The following IPO4 variants were observed in gnomAD, a reference collection of about 807,000 sequenced individuals.
IPO4 encodes importin 4.
Under a neutral mutation model 133.5 loss-of-function variants are expected in IPO4, and 91 were observed. That is an observed-to-expected ratio of 0.68 (90% CI 0.58 to 0.81). The LOEUF is 0.81. Among genes scored for constraint, IPO4 ranks in the 30% least tolerant of loss-of-function variants. The pLI, the probability that IPO4 is intolerant of heterozygous loss-of-function variation, is 0.00. For missense variants in IPO4, 1,279 were observed against 1,386.2 expected, an observed-to-expected ratio of 0.92 and a Z score of 1.23; for synonymous variants, 607 against 581.6, an observed-to-expected ratio of 1.04 and a Z score of -0.63.
rs751193314 is a variant in IPO4 at position 24,185,213 on chromosome 14, A to G, written c.1378T>C (p.Tyr460His). The G allele has an allele frequency of 1.9e-6, 3 of 1,614,130 alleles. No individual in the cohort carries two copies. The highest frequency in any genetic ancestry group is 4.5e-5 in the East Asian group (2 of 44,884). The change falls in exon 14 of 30, where the codon TAT becomes CAT. Residue 460 changes from tyrosine (Y) to histidine (H), a missense_variant. Coordinates refer to ENST00000354464, the MANE Select transcript of IPO4 (RefSeq NM_024658.4). ...GHTHHLAKAC[Y>H]ALENFVENLG... ...TTCTCCACAAAATTCTCCAGGGCAT[A>G]GCAGGCCTTGGCTAGGTGGTGTGTG...
Position 24,186,291 on chromosome 14 carries a change from A to G in IPO4, c.1001T>C (p.Val334Ala). ...LMGETPKHFA[V>A]QVVDMLALHL... ...CTGTCCTGCCCCACATCTCACTTGTACAGCGAAATGCTTGGGAGTCTCCCC... is the reference window on the plus strand; with the variant it reads ...CTGTCCTGCCCCACATCTCACTTGTGCAGCGAAATGCTTGGGAGTCTCCCC... Residue 334 changes from valine (V) to alanine (A), a missense_variant, in exon 10 of 30, where the codon GTA becomes GCA. Val to Ala is a moderately conservative substitution (Grantham distance 64). Coordinates refer to ENST00000354464, the MANE Select transcript of IPO4 (RefSeq NM_024658.4). 5 of 1,605,948 alleles carry G rather than the reference A, an allele frequency of 3.1e-6. No homozygotes were observed. The highest frequency in any genetic ancestry group is 4.3e-6 in the Non-Finnish European group (5 of 1,174,918).
Position 24,186,343 on chromosome 14 carries a change from C to A in IPO4, c.949G>T (p.Glu317Ter). The change falls in exon 10 of 30, where the codon GAG (glutamate) becomes TAG (stop). Residue 317 changes from glutamate to a stop codon, truncating the protein, a stop_gained. Coordinates refer to ENST00000354464, the MANE Select transcript of IPO4 (RefSeq NM_024658.4). LOFTEE classifies it high-confidence loss of function. ...QLDPEDQDSE[E>*]EELEIELMGE... The stretch of plus-strand genomic sequence containing the variant: ...ATCAGCTCAATCTCCAACTCTTCCT[C>A]TTCTGAATCCTGGTCCTCGGGATCC... The A allele has an allele frequency of 6.2e-7, 1 of 1,613,170 alleles. No homozygotes were observed. Among genetic ancestry groups the A allele is most frequent in the Non-Finnish European group, 8.5e-7 (1 of 1,179,484 alleles).
rs1319885345 is a variant in IPO4 at position 24,187,568 on chromosome 14, CA to C, written c.419del (p.Leu140CysfsTer3). 1 of 1,614,000 alleles carries C rather than the reference CA, an allele frequency of 6.2e-7. No homozygotes were observed. Among genetic ancestry groups the C allele is most frequent in the African/African-American group, 1.3e-5 (1 of 74,908 alleles). On this transcript the variant is annotated frameshift_variant, in exon 6 of 30. Coordinates refer to ENST00000354464, the MANE Select transcript of IPO4 (RefSeq NM_024658.4). LOFTEE classifies it high-confidence loss of function. ...GGGAGGTCACCACCACACTTAGCAG[CA>C]AAAGCCCCATCTGTCCAAGAATAGA... is the stretch of plus-strand genomic sequence containing the variant. ...PHSPEREMGL[L>X]LLSVVVTSRP...
In IPO4 at chr14:24,181,550, C is replaced by T. The variant is rs369101802; in HGVS notation, c.3008G>A (p.Arg1003His). ...GCTCTGGTACAGGAAGCTGAAGAGG[C>T]GCCCAATGGTGACCCACTCCTCCAA... The part of the protein sequence containing the change: ...EDLEEWVTIG[R>H]LFSFLYQSSP... Residue 1003 changes from arginine to histidine, a missense_variant, in exon 28 of 30, where the codon CGC becomes CAC. By Grantham distance (29) the Arg-to-His change is conservative (BLOSUM62 0). Transcript: ENST00000354464. The T allele has an allele frequency of 1.0e-5, 16 of 1,593,046 alleles. No homozygotes were observed. The highest frequency in any genetic ancestry group is 2.7e-5 in the African/African-American group (2 of 74,430).
intron 12 of IPO4, 97 bp downstream of exon 12, chr14:24,185,764 A>T: frequency 1.9e-6 from 2 of 1,045,918 alleles, no homozygotes; most frequent in Middle Eastern, 4.1e-4. Context: ...ATGGGGGGAA[A>T]CGCTGTTGAT....
At position 24,188,288 on chromosome 14, in the gene IPO4, C is replaced by T. The variant is rs1417073890; in HGVS notation, c.237-31G>A. ...ACACAGGTGGCAGGTGTTTGGTACC[C>T]AGCCTGCCCAAGAAAAGTCTCCGCC... On this transcript the variant is annotated intron_variant, in intron 3 of 29. Transcript: ENST00000354464. 2 of 1,613,036 alleles carry T rather than the reference C, an allele frequency of 1.2e-6. No homozygotes were observed. Among genetic ancestry groups the T allele is most frequent in the Non-Finnish European group, 8.5e-7 (1 of 1,179,526 alleles).
chr14:24,186,623 C>T, intron 9 of IPO4, 85 bp downstream of exon 9: 4 of 1,407,646 alleles, frequency 2.8e-6, no homozygotes, highest in South Asian at 1.2e-5. Context: ...ACTTTAGATA[C>T]CCTGAGATGG....
At position 24,185,558 on chromosome 14, in the gene IPO4, G is replaced by A. The variant is rs143723888; in HGVS notation, c.1179C>T (p.Pro393=). 4.7e-4 allele frequency: 766 copies of A among 1,613,958 alleles called. 9 individuals are homozygous for A. In the East Asian group the frequency reaches 0.016, roughly 33 times the overall value. The change falls in exon 13 of 30, where the codon CCC becomes CCT. Residue 393 remains proline (P), a synonymous_variant. Transcript: ENST00000354464. ...CCTTGCACACAATCTGCAGCAGTGG[G>A]GGCAGCAGTCTGGATGGGGCAAACA... ...AGDHIRQRLL[P]PLLQIVCKGL... is the part of the protein sequence containing the mutation.
rs1398067357 is a variant in IPO4, at chr14:24,182,986, A to G, written c.2411T>C (p.Leu804Pro). The G allele has an allele frequency of 6.2e-6, 10 of 1,613,038 alleles. No homozygotes were observed. The highest frequency in any genetic ancestry group is 8.5e-6 in the Non-Finnish European group (10 of 1,179,364). The change falls in exon 23 of 30, where the codon CTG becomes CCG. Residue 804 changes from leucine (L) to proline (P), a missense_variant. By Grantham distance (98) the Leu-to-Pro change is moderately conservative (BLOSUM62 -3). Around this residue, in one of 3 missense-constraint regions of IPO4, gnomAD observed 575 missense variants for 653.4 expected, o/e 0.88. Coordinates refer to ENST00000354464, the MANE Select transcript of IPO4 (RefSeq NM_024658.4). Reference protein sequence around the residue: ...AELCGVLKAVLQRKTACQDTD... With the variant: ...AELCGVLKAVPQRKTACQDTD... The stretch of plus-strand genomic sequence containing the variant: ...ACCTGCCCTGCTCACCTTCCTCTGC[A>G]GCACAGCCTTGAGCACGCCACAGAG...
intron 9 of IPO4, 89 bp downstream of exon 9, chr14:24,186,619 G>C (rs1189075120): frequency 2.2e-6 from 3 of 1,386,584 alleles, no homozygotes; most frequent in Non-Finnish European, 3.0e-6. Context: ...CAGTACTTTA[G>C]ATACCCTGAG....
intron 4 of IPO4, 46 bp downstream of exon 4, chr14:24,188,170 C>T: frequency 6.3e-7 from 1 of 1,594,844 alleles, no homozygotes; most frequent in South Asian, 1.1e-5. Flanking sequence ...AGGCAGAAAC[C>T]TAGACAAAGT....
Position 24,187,725 on chromosome 14 carries a change from G to T in IPO4, c.350C>A (p.Pro117Gln), listed in dbSNP as rs374715815. The T allele has an allele frequency of 6.2e-7, 1 of 1,614,220 alleles. No homozygotes were observed. Among genetic ancestry groups the T allele is most frequent in the African/African-American group, 1.3e-5 (1 of 75,050 alleles). The change falls in exon 5 of 30, where the codon CCA (proline) becomes CAA (glutamine). Residue 117 changes from proline (P) to glutamine (Q), a missense_variant. Pro to Gln is a moderately conservative substitution (Grantham distance 76). Around this residue, in one of 3 missense-constraint regions of IPO4, gnomAD observed 695 missense variants for 704.1 expected, o/e 0.99. Transcript: ENST00000354464. ...GTGCTGAAGCAGCTGCAAAAGCTGT[G>T]GCCAGGCCTCCAAGCCTTCCTTTCG... ...IFRKEGLEAWPQLLQLLQHST... is the reference protein window; with the variant it reads ...IFRKEGLEAWQQLLQLLQHST...
In IPO4 at chr14:24,186,730, A is replaced by G; in HGVS notation, c.818T>C (p.Phe273Ser). The G allele has an allele frequency of 6.2e-7, 1 of 1,614,170 alleles. No homozygotes were observed. Among genetic ancestry groups the G allele is most frequent in the Non-Finnish European group, 8.5e-7 (1 of 1,179,996 alleles). The change falls in exon 9 of 30, where the codon TTC becomes TCC. Residue 273 changes from phenylalanine (F) to serine (S), a missense_variant. By Grantham distance (155) the Phe-to-Ser change is radical. Coordinates refer to ENST00000354464, the MANE Select transcript of IPO4 (RefSeq NM_024658.4). The part of the protein sequence containing the change: ...IRIRILCCLT[F>S]LVKVKSKALL... The stretch of plus-strand genomic sequence containing the variant: ...TACCTTGCTCTTGACTTTGACCAAG[A>G]AAGTGAGGCAGCAGAGAATACGTAT...
chr14:24,185,043 T>C (rs1350466040), intron 14 of IPO4, 63 bp from the exon 15 acceptor site: 1 of 1,591,200 alleles, frequency 6.3e-7, no homozygotes, highest in Non-Finnish European at 8.6e-7. Context: ...CCCACCTCCC[T>C]CCAGGCGGAA....
intron 23 of IPO4, 51 bp from the exon 24 acceptor site, chr14:24,182,893 A>G (rs925777139): frequency 1.3e-6 from 2 of 1,550,296 alleles, no homozygotes; most frequent in African/African-American, 4.4e-5. Flanking sequence ...TTCTCTTTTC[A>G]TGGGGGTAGG....
Position 24,182,141 on chromosome 14 carries a change from T to G in IPO4, c.2621A>C (p.Glu874Ala). 1 of 1,614,082 alleles carries G rather than the reference T, an allele frequency of 6.2e-7. No homozygotes were observed. The highest frequency in any genetic ancestry group is 8.5e-7 in the Non-Finnish European group (1 of 1,180,032). The change falls in exon 26 of 30, where the codon GAG becomes GCG. Residue 874 changes from glutamate to alanine, a missense_variant. Physicochemically the swap from Glu to Ala is moderately radical, Grantham distance 107. This residue lies in a region of IPO4 where 575 missense variants were observed against 653.4 expected (regional missense o/e 0.88). Transcript: ENST00000354464. ...CAAGGTCCCCACTGCAAAGGACTTC[T>G]CTGCCACTGTGCAGCCCTGTTTCTG... is the stretch of plus-strand genomic sequence containing the variant. ...CKTKQGCTVA[E>A]KSFAVGTLAE... is the part of the protein sequence containing the mutation.
At chr14:24,188,450 G>A in intron 2 of IPO4, 27 bp from the exon 3 acceptor site, 1 of 1,609,718 alleles carries the variant, frequency 6.2e-7, no homozygotes, top group Non-Finnish European at 8.5e-7. Flanking sequence ...AGCACGTGGG[G>A]GTCCGGGCAG....
Position 24,180,483 on chromosome 14 carries a change from C to T in IPO4, c.3205G>A (p.Asp1069Asn). The part of the protein sequence containing the change: ...FQAALGSLPV[D>N]KAQELQAVLG... ...ACAGCCTGGAGCTCCTGAGCCTTGT[C>T]AACAGGCAGTGAGCCCAGAGCTGCT... Residue 1069 changes from aspartate (D) to asparagine (N), a missense_variant, in exon 30 of 30, where the codon GAC becomes AAC. Physicochemically the swap from Asp to Asn is conservative, Grantham distance 23 (BLOSUM62 1). Transcript: ENST00000354464. The T allele has an allele frequency of 6.2e-7, 1 of 1,613,730 alleles. No individual in the cohort carries two copies. The highest frequency in any genetic ancestry group is 1.1e-5 in the South Asian group (1 of 90,924).
chr14:24,186,854 G>C (rs1466182217), intron 8 of IPO4, 24 bp downstream of exon 8: 5 of 1,611,372 alleles, frequency 3.1e-6, no homozygotes, highest in Non-Finnish European at 4.2e-6. Context: ...CATGTAGCAG[G>C]GGCCATGTCC....
Sources: allele counts gnomAD v4.1 joint callset, GRCh38; gene constraint gnomAD v4.1.1; regional missense constraint gnomAD v4.1.1; transcripts MANE v1.5; gene names NCBI Gene and HGNC (gene_info 2026-07-23, HGNC 2026-07-21).